Variants in PATJ observed in about 807,000 individuals in gnomAD.
The protein encoded by PATJ is PATJ crumbs cell polarity complex component.
PATJ carries 190 observed loss-of-function variants against 224.9 expected under a neutral mutation model. The ratio of observed to expected loss-of-function variants is 0.84; its 90% CI spans 0.75 to 0.95. PATJ has a LOEUF of 0.95. Ranked by LOEUF, PATJ falls within the 40% of genes least tolerant of loss-of-function variation. The probability of loss-of-function intolerance (pLI) is 0.00; values close to 1 mark genes in which losing one functional copy is unlikely to be tolerated. For missense variants in PATJ, 2,121 were observed against 2,270.3 expected (o/e 0.93, Z 1.34); for synonymous variants, 769 against 820.3 (o/e 0.94, Z 1.07).
At chr1:61,997,982 T>TTTTTTTTATATATA (rs374175697) in intron 28 of PATJ, among the ~76,000 whole-genome samples, 2 of 118,336 alleles carry the variant, frequency 1.7e-5, no homozygotes, top group South Asian at 2.4e-4. Context: ...TGTGCCCAGC[T>TTTTTTTTATATATA]TATATATGTA....
intron 16 of PATJ, among the ~76,000 whole-genome samples, chr1:61,830,761 A>G (rs1659157983): frequency 6.6e-6 from 1 of 152,222 alleles, no homozygotes; most frequent in South Asian, 2.1e-4. Context: ...AACAAAGTCA[A>G]CAATAACAAG....
intron 29 of PATJ, among the ~76,000 whole-genome samples, chr1:62,021,505 C>T (rs952963417): frequency 1.3e-5 from 2 of 152,160 alleles, no homozygotes; most frequent in East Asian, 1.9e-4. Context: ...TTCCTTTTCA[C>T]TCCTACTAAG....
intron 35 of PATJ, chr1:62,114,774 T>C (rs183411976): frequency 6.4e-6 from 1 of 155,920 alleles, no homozygotes; most frequent in Non-Finnish European, 1.4e-5. Context: ...CACAGTGGCA[T>C]GTACCTGTTG....
intron 41 of PATJ, among the ~76,000 whole-genome samples, chr1:62,136,015 ATTT>A (rs374594803): frequency 4.1e-4 from 26 of 63,894 alleles, no homozygotes; most frequent in African/African-American, 1.5e-3. Flanking sequence ...AGACCATTAG[ATTT>A]TTTTTTTTTT....
chr1:61,929,567 A>G (rs1181732592), intron 27 of PATJ, among the ~76,000 whole-genome samples: 1 of 152,234 alleles, frequency 6.6e-6, no homozygotes, highest in Non-Finnish European at 1.5e-5. Context: ...AACTTTGTGA[A>G]GTTCTAATTA....
At chr1:62,084,487 A>C in intron 32 of PATJ, 28 bp from the exon 33 acceptor site, 2 of 1,590,514 alleles carry the variant, frequency 1.3e-6, no homozygotes, top group Admixed American at 1.8e-5. Context: ...CTTACATGCC[A>C]GTCATGCTGT....
At chr1:62,151,590 CA>C (rs533316023) in intron 42 of PATJ, among the ~76,000 whole-genome samples, 52 of 151,944 alleles carry the variant, frequency 3.4e-4, no homozygotes, top group African/African-American at 1.2e-3. Flanking sequence ...GACTCCGTCT[CA>C]AAAAAATAAA....
At chr1:62,063,303 T>C (rs61777668) in intron 31 of PATJ, among the ~76,000 whole-genome samples, 25 of 152,230 alleles carry the variant, frequency 1.6e-4, no homozygotes, top group Non-Finnish European at 3.1e-4. Flanking sequence ...TTGTCAAAGA[T>C]CAGTTGGTTG....
chr1:61,960,046 A>G (rs1386258540), intron 27 of PATJ, among the ~76,000 whole-genome samples: 2 of 152,038 alleles, frequency 1.3e-5, no homozygotes, highest in African/African-American at 4.8e-5. Context: ...AAATAAGTAA[A>G]TGATGTTTCA....
intron 21 of PATJ, among the ~76,000 whole-genome samples, chr1:61,876,805 A>T (rs1197426745): frequency 6.6e-6 from 1 of 152,144 alleles, no homozygotes; most frequent in Non-Finnish European, 1.5e-5. Flanking sequence ...TGAATTTAGA[A>T]ATCATTGTTG....
At chr1:61,833,497 C>G (rs1393824956) in intron 16 of PATJ, 157 bp from the exon 17 acceptor site, 1 of 604,790 alleles carries the variant, frequency 1.7e-6, no homozygotes, top group African/African-American at 1.9e-5. Context: ...TGTGTGTGCC[C>G]CAGAGCATGC....
intron 1 of PATJ, among the ~76,000 whole-genome samples, chr1:61,748,246 CTTTTTTTTT>C (rs35918825): frequency 1.7e-4 from 11 of 65,108 alleles, no homozygotes; most frequent in African/African-American, 5.2e-4. Context: ...GCCTTAATGC[CTTTTTTTTT>C]TTTTTTTTTT....
At chr1:62,079,741 C>T (rs1658947487) in intron 32 of PATJ, among the ~76,000 whole-genome samples, 174 bp downstream of exon 32, 1 of 152,108 alleles carries the variant, frequency 6.6e-6, no homozygotes, top group Non-Finnish European at 1.5e-5. Context: ...ATCATTTTTC[C>T]TCCTCTCTGC....
In PATJ at chr1:61,963,553, G is replaced by A. The variant is rs535921055; in HGVS notation, c.3671-26615G>A. Reference sequence around the variant, plus strand: ...AGAGGTTGCAGTGAGCTGAGATTGCGCCACTGCACTCCAGCCTGGGAGACA... The same window carrying A: ...AGAGGTTGCAGTGAGCTGAGATTGCACCACTGCACTCCAGCCTGGGAGACA... On this transcript the variant is annotated intron_variant, in intron 27 of 43. Transcript: ENST00000642238. Among the ~76,000 whole-genome samples, 305 of 152,068 alleles carry A rather than the reference G, an allele frequency of 2.0e-3. 1 individual carries two copies. Among genetic ancestry groups the A allele is most frequent in the Non-Finnish European group, 3.5e-3 (235 of 67,980 alleles).
rs996648942 is a variant in PATJ at position 61,991,835 on chromosome 1, A to G, written c.3867+1471A>G. 23 of 649,036 alleles carry G rather than the reference A, an allele frequency of 3.5e-5. No homozygotes were observed. The African/African-American group carries it at 4.2e-4, about 12-fold the overall frequency. 40.2% of individuals were successfully genotyped at this position (649,036 alleles called of 1,614,324 possible). A position where few individuals can be genotyped will look rare whatever the true frequency, so the allele number is the denominator to read the frequency against. On this transcript the variant is annotated intron_variant, in intron 28 of 43. Transcript: ENST00000642238. ...ATGTTTAGAGACTTCCTCAGAGATG[A>G]GACAAAAGTGATGCTGGTAGTAAAA...
At chr1:61,765,400 T>C (rs1570347078) in intron 3 of PATJ, among the ~76,000 whole-genome samples, 1 of 151,768 alleles carries the variant, frequency 6.6e-6, no homozygotes, top group Non-Finnish European at 1.5e-5. Flanking sequence ...GTTTTTTTTT[T>C]TGGAGACAGA....
intron 28 of PATJ, 143 bp downstream of exon 28, chr1:61,990,507 CA>C (rs1645001434): frequency 1.9e-6 from 1 of 532,204 alleles, no homozygotes; most frequent in Admixed American, 4.1e-5. Flanking sequence ...AAAGCAAGAA[CA>C]GAAATCAAAC....
At chr1:62,017,729 C>CAAAAAAAA (rs58692636) in intron 28 of PATJ, 127 bp from the exon 29 acceptor site, 12 of 324,346 alleles carry the variant, frequency 3.7e-5, no homozygotes, top group South Asian at 1.9e-4. Flanking sequence ...GAGACTGTCT[C>CAAAAAAAA]AAAAAAAAAA....
intron 28 of PATJ, among the ~76,000 whole-genome samples, chr1:62,014,188 G>T (rs114926158): frequency 9.2e-5 from 14 of 151,944 alleles, no homozygotes; most frequent in African/African-American, 2.9e-4. Flanking sequence ...CCTCTGAGTA[G>T]CTGGAATTAC....
Sources: gnomAD v4.1 joint callset for allele counts (sites outside exome capture counted in the v4.1 genomes callset) on GRCh38, gnomAD v4.1.1 for gene constraint, MANE v1.5 for transcripts, NCBI Gene and HGNC (gene_info 2026-07-23, HGNC 2026-07-21) for gene names.